KCNIP3: variants seen among roughly 807,000 people sequenced by gnomAD.
KCNIP3 encodes calsenilin.
In KCNIP3, 28 loss-of-function variants were observed where a neutral mutation model predicts 35.0. The ratio of observed to expected loss-of-function variants is 0.80; its 90% CI spans 0.59 to 1.10. KCNIP3 has a LOEUF of 1.10. KCNIP3 is among the 50% of genes least tolerant of loss of function. The pLI is 0.00. For synonymous variants in KCNIP3, 134 were observed against 133.8 expected (o/e 1.00, Z -0.01); for missense variants, 295 against 338.4 (o/e 0.87, Z 1.01).
intron 6 of KCNIP3, 49 bp downstream of exon 6, chr2:95,381,752 C>T (rs1453287927): frequency 8.2e-7 from 1 of 1,215,452 alleles, no homozygotes; most frequent in Non-Finnish European, 1.2e-6. Flanking sequence ...CCTCCTGCTG[C>T]TCCACCCCTC....
rs920224004 is a variant in KCNIP3 at position 95,368,608 on chromosome 2, T to C, written c.182-5688T>C. ...CAAAATTTGTGTCTTTGCCATCCCG[T>C]TTCTGTGTGTGAACACTTTTGTCTC... On this transcript the variant is annotated intron_variant, in intron 2 of 8. Transcript: ENST00000295225. 28 of 376,868 alleles carry C rather than the reference T, an allele frequency of 7.4e-5. 1 individual carries two copies. In the South Asian group the frequency reaches 8.1e-4, roughly 11 times the overall value. The allele number at this position is 376,868 out of a possible 1,614,324, so 23.3% of individuals were successfully genotyped here.
Position 95,349,722 on chromosome 2 carries a change from A to G in KCNIP3, c.182-24574A>G, listed in dbSNP as rs1679464859. ...CAGTGTGACAGACCCTGGGTGGCAG[A>G]AAAGCAGTCCTCATCCTGTCTGCTT... On this transcript the variant is annotated intron_variant, in intron 2 of 8. Coordinates refer to ENST00000295225, the MANE Select transcript of KCNIP3 (RefSeq NM_013434.5). 2.0e-5 allele frequency among the ~76,000 whole-genome samples: 3 copies of G among 152,252 alleles called. 1 individual carries two copies. In the South Asian group the frequency reaches 6.2e-4, roughly 31 times the overall value.
intron 2 of KCNIP3, among the ~76,000 whole-genome samples, chr2:95,321,375 G>A (rs1678595270): frequency 6.6e-6 from 1 of 152,188 alleles, no homozygotes; most frequent in African/African-American, 2.4e-5. Flanking sequence ...TGTGCTCTGG[G>A]TCACTCACCC....
intron 2 of KCNIP3, among the ~76,000 whole-genome samples, chr2:95,352,745 C>T (rs1236057289): frequency 6.6e-6 from 1 of 152,210 alleles, no homozygotes; most frequent in African/African-American, 2.4e-5. Context: ...TCAGGGACAT[C>T]CTGTTGCCAG....
At position 95,315,205 on chromosome 2, in the gene KCNIP3, T is replaced by C. The variant is rs377286154; in HGVS notation, c.181+4685T>C. 3.9e-5 allele frequency among the ~76,000 whole-genome samples: 6 copies of C among 152,172 alleles called. No individual in the cohort carries two copies. The East Asian group carries it at 1.2e-3, about 29-fold the overall frequency. The stretch of plus-strand genomic sequence containing the variant: ...GTGACCATCACTCCCATGAGGATAA[T>C]GGGAGCCCCAGAGTGATGGCAGGGA... On this transcript the variant is annotated intron_variant, in intron 2 of 8. Coordinates refer to ENST00000295225, the MANE Select transcript of KCNIP3 (RefSeq NM_013434.5).
chr2:95,383,164 C>T, intron 7 of KCNIP3, 68 bp from the exon 8 acceptor site: 1 of 965,824 alleles, frequency 1.0e-6, no homozygotes, highest in Non-Finnish European at 1.5e-6. Flanking sequence ...ACTTCTGCGT[C>T]CTCAGGCCAG....
chr2:95,337,516 T>G (rs1679088659), intron 2 of KCNIP3, among the ~76,000 whole-genome samples: 1 of 152,236 alleles, frequency 6.6e-6, no homozygotes, highest in African/African-American at 2.4e-5. Flanking sequence ...GGATATAAGA[T>G]GAATCCTTTC....
intron 2 of KCNIP3, among the ~76,000 whole-genome samples, chr2:95,326,307 CAT>C (rs1203307990): frequency 2.6e-5 from 4 of 152,114 alleles, no homozygotes; most frequent in Admixed American, 6.5e-5. Flanking sequence ...CACACATACA[CAT>C]ACACACACAC....
intron 2 of KCNIP3, among the ~76,000 whole-genome samples, chr2:95,338,520 T>A (rs1198322393): frequency 6.6e-6 from 1 of 152,132 alleles, no homozygotes; most frequent in Non-Finnish European, 1.5e-5. Context: ...GATGGTTTCC[T>A]AAAAGCCCTA....
chr2:95,360,082 G>T (rs534404572), intron 2 of KCNIP3, among the ~76,000 whole-genome samples: 1 of 151,462 alleles, frequency 6.6e-6, no homozygotes, highest in Non-Finnish European at 1.5e-5. Context: ...AAACCACACA[G>T]CACCTCAATA....
chr2:95,383,024 C>T (rs1680385970), intron 7 of KCNIP3, among the ~76,000 whole-genome samples: 1 of 152,166 alleles, frequency 6.6e-6, no homozygotes, highest in African/African-American at 2.4e-5. Flanking sequence ...CTTGGAGCCT[C>T]AGCAGTTGGT....
chr2:95,373,498 C>T (rs1375660380), intron 2 of KCNIP3, among the ~76,000 whole-genome samples: 1 of 136,880 alleles, frequency 7.3e-6, no homozygotes, highest in Non-Finnish European at 1.5e-5. Context: ...TCGCGGCTCA[C>T]TGCAAGCTCC....
intron 1 of KCNIP3, among the ~76,000 whole-genome samples, chr2:95,308,097 CATGTGTGTGCGT>C (rs1315241695): frequency 2.0e-5 from 3 of 152,050 alleles, no homozygotes; most frequent in African/African-American, 2.4e-5. Flanking sequence ...TACTTGTGTG[CATGTGTGTGCGT>C]GTGTGTGCAT....
At chr2:95,316,985 T>C (rs1011932692) in intron 2 of KCNIP3, among the ~76,000 whole-genome samples, 1 of 152,200 alleles carries the variant, frequency 6.6e-6, no homozygotes, top group African/African-American at 2.4e-5. Flanking sequence ...GCTCCAGTCA[T>C]GAATTTGGCT....
chr2:95,365,755 T>G (rs190383550), intron 2 of KCNIP3, among the ~76,000 whole-genome samples: 42 of 152,276 alleles, frequency 2.8e-4, no homozygotes, highest in Non-Finnish European at 5.7e-4. Context: ...TCATGGGATA[T>G]CATCAGCCTT....
chr2:95,371,584 C>G (rs1032171831), intron 2 of KCNIP3, among the ~76,000 whole-genome samples: 1 of 152,164 alleles, frequency 6.6e-6, no homozygotes, highest in Non-Finnish European at 1.5e-5. Flanking sequence ...TATTTCGTCA[C>G]TTGTCATACC....
In KCNIP3 at chr2:95,377,085, C is replaced by T. The variant is rs1680219103; in HGVS notation, c.447+1877C>T. 6.6e-6 allele frequency among the ~76,000 whole-genome samples: 1 copy of T among 152,230 alleles called. No homozygotes were observed. The highest frequency in any genetic ancestry group is 2.1e-4 in the South Asian group (1 of 4,828). ...CCTTGGAGTGGCTCCTGCTCCCATC[C>T]CCACGGACCTTCTGGGATTTGCCAG... On this transcript the variant is annotated intron_variant, in intron 5 of 8. Coordinates refer to ENST00000295225, the MANE Select transcript of KCNIP3 (RefSeq NM_013434.5). This position sits in a 1 kb window ranked among gnomAD's most constrained non-coding sequence, Gnocchi z 4.7.
intron 2 of KCNIP3, among the ~76,000 whole-genome samples, chr2:95,335,112 T>C (rs1165169664): frequency 6.6e-6 from 1 of 152,208 alleles, no homozygotes; most frequent in Non-Finnish European, 1.5e-5. Flanking sequence ...ATTAAGAACA[T>C]GAAATTCCTT....
At chr2:95,367,512 G>A (rs1368992365) in intron 2 of KCNIP3, among the ~76,000 whole-genome samples, 1 of 152,084 alleles carries the variant, frequency 6.6e-6, no homozygotes, top group Non-Finnish European at 1.5e-5. Context: ...ACATAGTTAT[G>A]TTTCTTCCAT....
Sources: gnomAD v4.1 joint callset for allele counts (sites outside exome capture counted in the v4.1 genomes callset) on GRCh38, gnomAD v4.1.1 for gene constraint, Gnocchi (gnomAD v3.1) non-coding constraint, MANE v1.5 for transcripts, NCBI Gene and HGNC (gene_info 2026-07-23, HGNC 2026-07-21) for gene names.